The following DLG2 variants were observed in gnomAD, a reference collection of about 807,000 sequenced individuals.
DLG2 encodes the protein discs large MAGUK scaffold protein 2.
In DLG2, 45 loss-of-function variants were observed where a neutral mutation model predicts 132.5. That is an observed-to-expected ratio of 0.34 (90% confidence interval 0.27 to 0.44). DLG2 has a LOEUF of 0.44. DLG2 is among the 20% of genes least tolerant of loss of function. DLG2 has a pLI of 1.00. For missense variants in DLG2, 1,045 were observed against 1,196.9 expected, an observed-to-expected ratio of 0.87 and a Z score of 1.87; for synonymous variants, 424 against 419.6, an observed-to-expected ratio of 1.01 and a Z score of -0.13.
chr11:85,495,763 C>T (rs1208233816), intron 3 of DLG2, among the ~76,000 whole-genome samples: 1 of 152,158 alleles, frequency 6.6e-6, no homozygotes, highest in South Asian at 2.1e-4. Context: ...CCATTTGACC[C>T]AGCAATTCCA....
chr11:84,677,051 T>C (rs990802221), intron 6 of DLG2, among the ~76,000 whole-genome samples: 7 of 151,892 alleles, frequency 4.6e-5, no homozygotes, highest in African/African-American at 1.7e-4. Context: ...TGGGGTTTTA[T>C]CCCAAGAGTA....
intron 6 of DLG2, among the ~76,000 whole-genome samples, chr11:84,655,676 C>T (rs1031744791): frequency 2.1e-4 from 32 of 151,358 alleles, no homozygotes; most frequent in African/African-American, 7.8e-4. Context: ...CAAAATCTCT[C>T]TAAACCTCTT....
intron 3 of DLG2, among the ~76,000 whole-genome samples, chr11:85,475,870 A>T (rs1264483775): frequency 6.6e-6 from 1 of 152,130 alleles, no homozygotes; most frequent in Non-Finnish European, 1.5e-5. Context: ...TCTTAACTAC[A>T]ACATATGTTC....
rs35448301 is a variant in DLG2 at position 85,216,013 on chromosome 11, T to TAA, written c.187-61364_187-61363dup. On this transcript the variant is annotated intron_variant, in intron 4 of 27. Coordinates refer to ENST00000376104, the MANE Select transcript of DLG2 (RefSeq NM_001142699.3). The stretch of plus-strand genomic sequence containing the variant: ...TAGGATATAAAAATAATTTGGAAGT[T>TAA]AAAAAAAAAAAAAGGAAGCACAGAC... Among the ~76,000 whole-genome samples, 184 of 145,006 alleles carry TAA rather than the reference T, an allele frequency of 1.3e-3. 1 individual carries two copies. The highest frequency in any genetic ancestry group is 6.1e-3 in the South Asian group (28 of 4,574).
intron 8 of DLG2, among the ~76,000 whole-genome samples, chr11:84,236,592 G>T (rs1259298215): frequency 6.6e-6 from 1 of 152,178 alleles, no homozygotes; most frequent in African/African-American, 2.4e-5. Context: ...CCCTTGGAGG[G>T]GTGTTTCATT....
intron 4 of DLG2, among the ~76,000 whole-genome samples, chr11:85,174,065 G>A (rs1318336560): frequency 6.6e-6 from 1 of 152,080 alleles, no homozygotes; most frequent in Non-Finnish European, 1.5e-5. Context: ...AGATCACCAA[G>A]ACAGAAAATT....
chr11:85,565,396 T>C (rs1039328520), intron 3 of DLG2, among the ~76,000 whole-genome samples: 7 of 152,080 alleles, frequency 4.6e-5, no homozygotes, highest in African/African-American at 1.4e-4. Flanking sequence ...CATTTTAAAG[T>C]ATATAATTTA....
intron 6 of DLG2, among the ~76,000 whole-genome samples, chr11:84,635,486 A>G (rs953281692): frequency 2.0e-5 from 3 of 152,220 alleles, no homozygotes; most frequent in Non-Finnish European, 4.4e-5. Flanking sequence ...TGTAATAAAT[A>G]CCTAATACAT....
chr11:85,323,847 G>A (rs577894848), intron 3 of DLG2, among the ~76,000 whole-genome samples: 30 of 152,220 alleles, frequency 2.0e-4, no homozygotes, highest in East Asian at 1.5e-3. Context: ...TCTTTTTATC[G>A]CTGAATAATA....
At chr11:84,035,842 G>T (rs1213622445) in intron 11 of DLG2, among the ~76,000 whole-genome samples, 1 of 152,140 alleles carries the variant, frequency 6.6e-6, no homozygotes, top group Non-Finnish European at 1.5e-5. Context: ...AGTTGGTGAG[G>T]ATAGACTAAC....
rs868811706 is a variant in DLG2 at position 85,034,289 on chromosome 11, G to A, written c.357+77372C>T. Reference sequence around the variant, plus strand: ...GAGACGGAGTTTCACCATGTTAGCCGGGATGGTCTCTCTCCTGACCTCGTG... The same window carrying A: ...GAGACGGAGTTTCACCATGTTAGCCAGGATGGTCTCTCTCCTGACCTCGTG... On this transcript the variant is annotated intron_variant, in intron 6 of 27. Transcript: ENST00000376104. Among the ~76,000 whole-genome samples, 8 of 152,004 alleles carry A rather than the reference G, an allele frequency of 5.3e-5. No individual in the cohort carries two copies. In the East Asian group the frequency reaches 5.8e-4, roughly 11 times the overall value.
intron 15 of DLG2, among the ~76,000 whole-genome samples, chr11:83,895,278 G>C (rs763823026): frequency 2.0e-5 from 3 of 150,398 alleles, no homozygotes; most frequent in Non-Finnish European, 4.4e-5. Context: ...TCCTGCCTCA[G>C]CCTCCCGAGT....
intron 3 of DLG2, among the ~76,000 whole-genome samples, chr11:85,293,314 T>C (rs1298984448): frequency 6.6e-6 from 1 of 152,050 alleles, no homozygotes; most frequent in South Asian, 2.1e-4. Context: ...TGTAATCTCT[T>C]TGGGAGGCGA....
intron 7 of DLG2, among the ~76,000 whole-genome samples, chr11:84,498,353 G>A (rs928027038): frequency 3.3e-5 from 5 of 152,040 alleles, no homozygotes; most frequent in Admixed American, 1.3e-4. Context: ...GATGCCAGGC[G>A]AAGCATGTGG....
chr11:84,438,105 C>T (rs1477375005), intron 7 of DLG2, among the ~76,000 whole-genome samples: 10 of 152,154 alleles, frequency 6.6e-5, no homozygotes, highest in Non-Finnish European at 1.3e-4. Context: ...TCCAAGAGGA[C>T]TAAGAGGACT....
chr11:83,474,984 G>C (rs959553051), intron 22 of DLG2, among the ~76,000 whole-genome samples: 10 of 152,104 alleles, frequency 6.6e-5, no homozygotes, highest in Non-Finnish European at 1.3e-4. Context: ...CTCTATCTCT[G>C]TCTATCCATC....
chr11:84,491,796 C>G (rs1252881637), intron 7 of DLG2, among the ~76,000 whole-genome samples: 1 of 152,104 alleles, frequency 6.6e-6, no homozygotes, highest in Non-Finnish European at 1.5e-5. Flanking sequence ...TTGCTACATT[C>G]CTCTCTAAAA....
intron 8 of DLG2, among the ~76,000 whole-genome samples, chr11:84,168,826 T>TACACACACACACACACAC (rs145846743): frequency 6.8e-6 from 1 of 147,994 alleles, no homozygotes; most frequent in East Asian, 2.0e-4. Flanking sequence ...CACACACACA[T>TACACACACACACACACAC]ACACACACAC....
chr11:85,061,385 G>T (rs1436718754), intron 6 of DLG2, among the ~76,000 whole-genome samples: 3 of 151,610 alleles, frequency 2.0e-5, no homozygotes, highest in African/African-American at 7.3e-5. Flanking sequence ...CTATTCTGCT[G>T]TTTTTTGCTT....
Sources: allele counts gnomAD v4.1 joint callset (sites outside exome capture counted in the v4.1 genomes callset), GRCh38; gene constraint gnomAD v4.1.1; transcripts MANE v1.5; gene names NCBI Gene and HGNC (gene_info 2026-07-23, HGNC 2026-07-21).